The following IMMP2L variants were observed in gnomAD, a reference collection of about 807,000 sequenced individuals.
The protein encoded by IMMP2L is inner mitochondrial membrane peptidase subunit 2, also known as mitochondrial inner membrane protease subunit 2.
A neutral mutation model predicts 19.3 loss-of-function variants in IMMP2L; 18 were observed. The observed-to-expected ratio is 0.93, with a 90% confidence interval of 0.64 to 1.38. The LOEUF (loss-of-function observed/expected upper bound fraction) is 1.38. Ranked by LOEUF, IMMP2L falls within the 40% of genes most tolerant of loss-of-function variation. The pLI is 0.00. For synonymous variants in IMMP2L, 76 were observed against 73.0 expected (o/e 1.04, Z -0.21); for missense variants, 233 against 218.2 (o/e 1.07, Z -0.43).
intron 5 of IMMP2L, among the ~76,000 whole-genome samples, chr7:110,781,513 C>A (rs1799740677): frequency 6.6e-6 from 1 of 151,616 alleles, no homozygotes; most frequent in Non-Finnish European, 1.5e-5. Context: ...TTTTTTTCAT[C>A]AAATATCTAC....
At chr7:110,869,245 T>C (rs531146426) in intron 5 of IMMP2L, among the ~76,000 whole-genome samples, 2 of 152,126 alleles carry the variant, frequency 1.3e-5, no homozygotes, top group Non-Finnish European at 2.9e-5. Flanking sequence ...AATTTCTAAT[T>C]AAAAATCTGA....
In IMMP2L at chr7:111,019,306, T is replaced by C. The variant is rs1235444617; in HGVS notation, c.240-55741A>G. Among the ~76,000 whole-genome samples, 5 of 152,300 alleles carry C rather than the reference T, an allele frequency of 3.3e-5. No individual in the cohort carries two copies. In the East Asian group the frequency reaches 9.7e-4, roughly 29 times the overall value. Reference sequence around the variant, plus strand: ...CAGTGTTCCAGGGCTTCCTTACTTTTTGCAAAGCTCCAGGATCTGTATCCT... The same window carrying C: ...CAGTGTTCCAGGGCTTCCTTACTTTCTGCAAAGCTCCAGGATCTGTATCCT... On this transcript the variant is annotated intron_variant, in intron 3 of 5. Coordinates refer to ENST00000405709, the MANE Select transcript of IMMP2L (RefSeq NM_032549.4).
At chr7:110,842,997 A>G (rs1805250325) in intron 5 of IMMP2L, among the ~76,000 whole-genome samples, 1 of 152,184 alleles carries the variant, frequency 6.6e-6, no homozygotes, top group Non-Finnish European at 1.5e-5. Context: ...TAAATTAGCT[A>G]TATCGAATCA....
intron 3 of IMMP2L, among the ~76,000 whole-genome samples, chr7:111,363,761 A>G (rs1366269281): frequency 1.3e-5 from 2 of 152,098 alleles, no homozygotes; most frequent in Admixed American, 1.3e-4. Context: ...CAAGCATATA[A>G]GGACAAGATT....
chr7:111,124,089 T>C (rs1562822417), intron 3 of IMMP2L: 1 of 1,614,060 alleles, frequency 6.2e-7, no homozygotes. Flanking sequence ...CTGGGAGCTA[T>C]GTTTCCTTTC....
intron 4 of IMMP2L, among the ~76,000 whole-genome samples, chr7:110,919,888 C>T (rs1313095578): frequency 6.6e-6 from 1 of 152,112 alleles, no homozygotes; most frequent in Non-Finnish European, 1.5e-5. Flanking sequence ...CTCAAACTGG[C>T]TGGGTACTAC....
chr7:111,506,006 G>T (rs1844859188), intron 2 of IMMP2L, among the ~76,000 whole-genome samples: 1 of 151,778 alleles, frequency 6.6e-6, no homozygotes, highest in Non-Finnish European at 1.5e-5. Flanking sequence ...AGGAGGCCAG[G>T]CTCACACCTG....
chr7:111,356,111 C>G (rs1584775230), intron 3 of IMMP2L, among the ~76,000 whole-genome samples: 1 of 151,416 alleles, frequency 6.6e-6, no homozygotes, highest in South Asian at 2.1e-4. Flanking sequence ...TATATATATA[C>G]ACAGAAAACT....
At chr7:110,700,116 A>G (rs1190060872) in intron 5 of IMMP2L, among the ~76,000 whole-genome samples, 1 of 152,200 alleles carries the variant, frequency 6.6e-6, no homozygotes, top group Non-Finnish European at 1.5e-5. Flanking sequence ...AGAGGACCCA[A>G]CTAAGTCAGC....
chr7:110,836,673 C>CA (rs1176757838), intron 5 of IMMP2L, among the ~76,000 whole-genome samples: 1 of 152,112 alleles, frequency 6.6e-6, no homozygotes, highest in Non-Finnish European at 1.5e-5. Context: ...ACACACATGG[C>CA]AAAATTCTCT....
intron 4 of IMMP2L, among the ~76,000 whole-genome samples, chr7:110,903,426 A>T (rs967210646): frequency 1.3e-5 from 2 of 152,102 alleles, no homozygotes; most frequent in Non-Finnish European, 2.9e-5. Context: ...CCCCTCTGTA[A>T]ACTCCTGGCA....
chr7:111,037,334 T>A (rs1049571817), intron 3 of IMMP2L, among the ~76,000 whole-genome samples: 5 of 152,134 alleles, frequency 3.3e-5, no homozygotes, highest in African/African-American at 2.4e-5. Flanking sequence ...AGACTGGGAA[T>A]GCAACCGATA....
intron 3 of IMMP2L, among the ~76,000 whole-genome samples, chr7:111,370,561 T>C (rs1830176193): frequency 6.6e-6 from 1 of 151,944 alleles, no homozygotes; most frequent in African/African-American, 2.4e-5. Flanking sequence ...ACGTTAAAAA[T>C]AGTTAACACT....
intron 3 of IMMP2L, among the ~76,000 whole-genome samples, chr7:111,442,341 C>G (rs1037725894): frequency 6.6e-6 from 1 of 151,714 alleles, no homozygotes; most frequent in Admixed American, 6.6e-5. Flanking sequence ...AAGTTATAGC[C>G]AAAAACTATT....
intron 1 of IMMP2L, among the ~76,000 whole-genome samples, chr7:111,531,548 G>C (rs1331806652): frequency 6.6e-6 from 1 of 152,084 alleles, no homozygotes; most frequent in Non-Finnish European, 1.5e-5. Flanking sequence ...TAATAAGACA[G>C]TGAATAGCTT....
intron 2 of IMMP2L, among the ~76,000 whole-genome samples, chr7:111,495,922 G>T (rs1285522916): frequency 6.6e-6 from 1 of 152,130 alleles, no homozygotes; most frequent in Non-Finnish European, 1.5e-5. Context: ...GTGCTTTTAA[G>T]TGAGATGGAG....
intron 3 of IMMP2L, among the ~76,000 whole-genome samples, chr7:111,394,318 G>A (rs967593914): frequency 2.0e-5 from 3 of 152,232 alleles, no homozygotes; most frequent in East Asian, 1.9e-4. Context: ...AGCATTAAAT[G>A]TAGTATAACA....
At position 111,352,367 on chromosome 7, in the gene IMMP2L, CTTT is replaced by C. The variant is rs748454509; in HGVS notation, c.239+134868_239+134870del. ...GGTACATGCCACCATGCACAACTAA[CTTT>C]TTTTTTTTTTTTTTTTTTGATAGAG... On this transcript the variant is annotated intron_variant, in intron 3 of 5. Transcript: ENST00000405709. Among the ~76,000 whole-genome samples the C allele has an allele frequency of 7.1e-4, 93 of 130,808 alleles. 1 individual carries two copies. Among genetic ancestry groups the C allele is most frequent in the Middle Eastern group, 3.9e-3 (1 of 254 alleles). 85.8% of individuals were successfully genotyped at this position (130,808 alleles called of 152,430 possible). A position where few individuals can be genotyped will look rare whatever the true frequency, so the allele number is the denominator to read the frequency against.
intron 5 of IMMP2L, among the ~76,000 whole-genome samples, chr7:110,701,106 A>T (rs935575534): frequency 9.8e-5 from 15 of 152,316 alleles, no homozygotes. Flanking sequence ...TCTGTTATAC[A>T]TGAGGCGATC....
Sources: allele counts gnomAD v4.1 joint callset (sites outside exome capture counted in the v4.1 genomes callset), GRCh38; gene constraint gnomAD v4.1.1; transcripts MANE v1.5; gene names NCBI Gene and HGNC (gene_info 2026-07-23, HGNC 2026-07-21).